GSDMA: variants seen among roughly 807,000 people sequenced by gnomAD.
GSDMA encodes the protein gasdermin A, also known as gasdermin-A.
In GSDMA, 55 loss-of-function variants were observed where a neutral mutation model predicts 54.3. The observed-to-expected ratio is 1.01, with a 90% CI of 0.82 to 1.27. The LOEUF (loss-of-function observed/expected upper bound fraction) is 1.27, where lower values mean the gene tolerates loss of function less well. Among genes scored for constraint, GSDMA ranks in the 50% most tolerant of loss-of-function variants. The probability of loss-of-function intolerance (pLI) is 0.00; values close to 1 mark genes in which losing one functional copy is unlikely to be tolerated. For missense variants in GSDMA, 542 were observed against 542.6 expected (o/e 1.00, Z 0.01); for synonymous variants, 211 against 224.7 (o/e 0.94, Z 0.54).
At chr17:39,972,072 G>T in intron 5 of GSDMA, 57 bp from the exon 6 acceptor site, 1 of 1,214,538 alleles carries the variant, frequency 8.2e-7, no homozygotes. Flanking sequence ...GACTGAAGAA[G>T]GGAATGTGGG....
Position 39,976,865 on chromosome 17 carries a change from T to C in GSDMA, c.1145T>C (p.Phe382Ser). The change falls in exon 12 of 12, where the codon TTC becomes TCC. Residue 382 changes from phenylalanine to serine, a missense_variant. By Grantham distance (155) the Phe-to-Ser change is radical. Coordinates refer to ENST00000301659, the MANE Select transcript of GSDMA (RefSeq NM_178171.5). ...TTCCTGCTGGATAAAGAGGGTGTTT[T>C]CCCCCTGCAACCTGAGCTGCTCTCC... Reference protein sequence around the residue: ...QNFLLDKEGVFPLQPELLSSL... With the variant: ...QNFLLDKEGVSPLQPELLSSL... The C allele has an allele frequency of 6.2e-7, 1 of 1,613,892 alleles. No homozygotes were observed. The highest frequency in any genetic ancestry group is 8.5e-7 in the Non-Finnish European group (1 of 1,179,858).
intron 3 of GSDMA, among the ~76,000 whole-genome samples, chr17:39,968,630 G>A (rs1246198818): frequency 2.0e-5 from 3 of 152,110 alleles, no homozygotes; most frequent in East Asian, 1.9e-4. Context: ...TTACAGGCGT[G>A]AGCCACCACC....
At chr17:39,963,140 T>C in intron 1 of GSDMA, 55 bp downstream of exon 1, 1 of 152,674 alleles carries the variant, frequency 6.5e-6, no homozygotes, top group Non-Finnish European at 1.5e-5. Flanking sequence ...CACAGGAAGA[T>C]GGGTGGACCA....
intron 5 of GSDMA, 97 bp from the exon 6 acceptor site, chr17:39,972,032 C>T (rs1979973856): frequency 1.3e-6 from 1 of 787,254 alleles, no homozygotes; most frequent in South Asian, 1.6e-5. Context: ...GGTGCAAGGT[C>T]CTAGCCCTTA....
chr17:39,972,979 A>AT (rs1980022947), intron 7 of GSDMA, among the ~76,000 whole-genome samples: 11 of 150,842 alleles, frequency 7.3e-5, no homozygotes, highest in Admixed American at 4.6e-4. Flanking sequence ...TAAAAAAAAA[A>AT]ATTTTTTTTT....
intron 1 of GSDMA, among the ~76,000 whole-genome samples, chr17:39,964,124 G>T (rs1979528099): frequency 6.6e-6 from 1 of 152,170 alleles, no homozygotes; most frequent in South Asian, 2.1e-4. Context: ...GAGCGCTTTG[G>T]AAACACAGAT....
At chr17:39,965,252 G>GGGAC (rs1322016005) in intron 1 of GSDMA, among the ~76,000 whole-genome samples, 3 of 124,690 alleles carry the variant, frequency 2.4e-5, no homozygotes, top group Non-Finnish European at 3.5e-5. Context: ...AAGAAAGGGA[G>GGGAC]GGAGGGAGAG....
intron 11 of GSDMA, 45 bp from the exon 12 acceptor site, chr17:39,976,771 G>C: frequency 6.2e-7 from 1 of 1,607,582 alleles, no homozygotes; most frequent in African/African-American, 1.3e-5. Context: ...GGAGAGGAGA[G>C]AGGTTTCCAG....
Position 39,971,550 on chromosome 17 carries a change from A to T in GSDMA, c.585A>T (p.Val195=). The T allele has an allele frequency of 6.2e-7, 1 of 1,613,798 alleles. No individual in the cohort carries two copies. Among genetic ancestry groups the T allele is most frequent in the Non-Finnish European group, 8.5e-7 (1 of 1,179,708 alleles). ...LQGSINHKEA[V]TIPKGCVLAF... is the part of the protein sequence containing the mutation. ...GATCCATAAATCACAAGGAGGCTGT[A>T]ACCATCCCCAAGGGCTGCGTCCTGG... Residue 195 remains valine, a synonymous_variant, in exon 5 of 12, where the codon GTA becomes GTT. Transcript: ENST00000301659.
rs1404656309 is a variant in GSDMA, at chr17:39,970,643, T to G, written c.554T>G (p.Leu185Arg). ...CTCCCCTTCTTCGCCCCATTGGGGC[T>G]ACAGGTTTGATTCAAACACACACAC... ...FSLPFFAPLG[L>R]QGSINHKEAV... The change falls in exon 4 of 12, where the codon CTA (leucine) becomes CGA (arginine). Residue 185 changes from leucine (L) to arginine (R), a missense_variant. Coordinates refer to ENST00000301659, the MANE Select transcript of GSDMA (RefSeq NM_178171.5). 1.3e-6 allele frequency: 2 copies of G among 1,525,812 alleles called. No individual in the cohort carries two copies. Among genetic ancestry groups the G allele is most frequent in the Non-Finnish European group, 1.8e-6 (2 of 1,137,356 alleles). 94.5% of individuals were successfully genotyped at this position (1,525,812 alleles called of 1,614,324 possible). A position where few individuals can be genotyped will look rare whatever the true frequency, so the allele number is the denominator to read the frequency against.
At chr17:39,975,072 T>C in intron 10 of GSDMA, 58 bp downstream of exon 10, 1 of 899,038 alleles carries the variant, frequency 1.1e-6, no homozygotes, top group Non-Finnish European at 1.8e-6. Flanking sequence ...AATGAATCAC[T>C]TGAATCAATT....
intron 2 of GSDMA, among the ~76,000 whole-genome samples, 154 bp downstream of exon 2, chr17:39,966,055 C>A (rs868054269): frequency 6.6e-6 from 1 of 152,090 alleles, no homozygotes. Flanking sequence ...GGCTGGTGGT[C>A]GGGGGGATAC....
rs533426001 is a variant in GSDMA, at chr17:39,970,565, C to T, written c.476C>T (p.Thr159Met). 10 of 1,609,424 alleles carry T rather than the reference C, an allele frequency of 6.2e-6. 1 individual carries two copies. The highest frequency in any genetic ancestry group is 3.4e-5 in the Admixed American group (2 of 59,540). ...NLYVVMEVVE[T>M]VQEVTLERAG... is the part of the protein sequence containing the mutation. ...TATGTGGTGATGGAGGTGGTGGAGACGGTGCAGGAGGTCACACTGGAGCGA... is the reference window on the plus strand; with the variant it reads ...TATGTGGTGATGGAGGTGGTGGAGATGGTGCAGGAGGTCACACTGGAGCGA... The change falls in exon 4 of 12, where the codon ACG becomes ATG. Residue 159 changes from threonine to methionine, a missense_variant. Coordinates refer to ENST00000301659, the MANE Select transcript of GSDMA (RefSeq NM_178171.5).
At chr17:39,970,761 GC>G in intron 4 of GSDMA, 114 bp downstream of exon 4, 2 of 988,420 alleles carry the variant, frequency 2.0e-6, no homozygotes, top group Non-Finnish European at 2.6e-6. Flanking sequence ...CCTGATCAGC[GC>G]CCACCGAGGA....
At chr17:39,968,822 C>A (rs182530956) in intron 3 of GSDMA, among the ~76,000 whole-genome samples, 1 of 152,108 alleles carries the variant, frequency 6.6e-6, no homozygotes, top group Non-Finnish European at 1.5e-5. Flanking sequence ...AAGGTGACTG[C>A]GAGATTTTAC....
At chr17:39,965,999 G>A (rs1979642527) in intron 2 of GSDMA, 98 bp downstream of exon 2, 1 of 1,134,778 alleles carries the variant, frequency 8.8e-7, no homozygotes. Context: ...CTGGCCAGAG[G>A]TGATTAGATG....
At position 39,972,607 on chromosome 17, in the gene GSDMA, G is replaced by A. The variant is rs187128895; in HGVS notation, c.724G>A (p.Val242Ile). ...PPGEKSGEEKVILIQASDVGD... is the reference protein window; with the variant it reads ...PPGEKSGEEKIILIQASDVGD... ...TTCAGAAAAGTCAGGAGAGGAGAAGGTCATCCGTAAGTGTTTCCTTTCATT... is the reference window on the plus strand; with the variant it reads ...TTCAGAAAAGTCAGGAGAGGAGAAGATCATCCGTAAGTGTTTCCTTTCATT... Residue 242 changes from valine (V) to isoleucine (I), a missense_variant, in exon 7 of 12, where the codon GTC (valine) becomes ATC (isoleucine). By Grantham distance (29) the Val-to-Ile change is conservative. Transcript: ENST00000301659. The A allele has an allele frequency of 1.9e-6, 3 of 1,612,514 alleles. No homozygotes were observed. Among genetic ancestry groups the A allele is most frequent in the Non-Finnish European group, 2.5e-6 (3 of 1,179,236 alleles).
Position 39,965,874 on chromosome 17 carries a change from G to C in GSDMA, c.187G>C (p.Val63Leu), listed in dbSNP as rs1339575965. 1.9e-6 allele frequency: 3 copies of C among 1,557,634 alleles called. No individual in the cohort carries two copies. In the Admixed American group the frequency reaches 5.8e-5, roughly 30 times the overall value. Residue 63 changes from valine to leucine, a missense_variant, in exon 2 of 12, where the codon GTG (valine) becomes CTG (leucine). Physicochemically the swap from Val to Leu is conservative, Grantham distance 32. Coordinates refer to ENST00000301659, the MANE Select transcript of GSDMA (RefSeq NM_178171.5). ...CCGCACCGACTACACGCTGCTGGAT[G>C]TGCTTGAGCCCGGCAGCTCACCTTC... Reference protein sequence around the residue: ...YVRTDYTLLDVLEPGSSPSDP... With the variant: ...YVRTDYTLLDLLEPGSSPSDP...
Position 39,965,792 on chromosome 17 carries a change from C to T in GSDMA, c.105C>T (p.Pro35=), listed in dbSNP as rs914956706. The change falls in exon 2 of 12, where the codon CCC becomes CCT. Residue 35 remains proline (P), a synonymous_variant. Coordinates refer to ENST00000301659, the MANE Select transcript of GSDMA (RefSeq NM_178171.5). ...TCATCGACTTCAAGCGCTTCCATCC[C>T]TTCTGCCTGGTGCTGAGGAAGAGGA... ...DSLIDFKRFH[P]FCLVLRKRKS... is the part of the protein sequence containing the mutation. 16 of 1,606,926 alleles carry T rather than the reference C, an allele frequency of 1.0e-5. No individual in the cohort carries two copies. Among genetic ancestry groups the T allele is most frequent in the Non-Finnish European group, 1.4e-5 (16 of 1,176,836 alleles).
Sources: allele counts gnomAD v4.1 joint callset (sites outside exome capture counted in the v4.1 genomes callset), GRCh38; gene constraint gnomAD v4.1.1; transcripts MANE v1.5; gene names NCBI Gene and HGNC (gene_info 2026-07-23, HGNC 2026-07-21).